Variants in PARD3B observed in about 807,000 individuals in gnomAD.
The protein encoded by PARD3B is par-3 family cell polarity regulator beta, also known as partitioning defective 3 homolog B.
In PARD3B, 103 loss-of-function variants were observed where a neutral mutation model predicts 130.2. That is an observed-to-expected ratio of 0.79 (90% CI 0.67 to 0.93). The LOEUF is 0.93. Among genes scored for constraint, PARD3B ranks in the 40% least tolerant of loss-of-function variants. The pLI, the probability that PARD3B is intolerant of heterozygous loss-of-function variation, is 0.00. For synonymous variants in PARD3B, 583 were observed against 553.2 expected, an observed-to-expected ratio of 1.05 and a Z score of -0.76; for missense variants, 1,609 against 1,499.2, an observed-to-expected ratio of 1.07 and a Z score of -1.21.
rs191453832 is a variant in PARD3B at position 205,558,026 on chromosome 2, C to A, written c.3260+4623C>A. On this transcript the variant is annotated intron_variant, in intron 22 of 22. Transcript: ENST00000406610. The surrounding 1 kb of genome is among the most constrained non-coding windows in gnomAD (Gnocchi z 4.8). Reference sequence around the variant, plus strand: ...GGGAACTCACTGAAGCTGAAGGATTCGCCGACTCAGGAAAGACCAGTGGTC... The same window carrying A: ...GGGAACTCACTGAAGCTGAAGGATTAGCCGACTCAGGAAAGACCAGTGGTC... Among the ~76,000 whole-genome samples the A allele has an allele frequency of 6.6e-6, 1 of 152,140 alleles. No homozygotes were observed. Among genetic ancestry groups the A allele is most frequent in the Non-Finnish European group, 1.5e-5 (1 of 68,024 alleles).
chr2:204,574,129 T>A (rs927977228), intron 1 of PARD3B, among the ~76,000 whole-genome samples: 12 of 152,186 alleles, frequency 7.9e-5, no homozygotes, highest in Admixed American at 2.0e-4. Context: ...GGTTGTTGTT[T>A]GTTTAGTTAT....
chr2:205,127,341 G>T (rs2031557164), intron 10 of PARD3B, among the ~76,000 whole-genome samples: 1 of 151,434 alleles, frequency 6.6e-6, no homozygotes, highest in Non-Finnish European at 1.5e-5. Context: ...ATTCAGAAGG[G>T]ATTTTGTAGC....
At position 204,967,350 on chromosome 2, in the gene PARD3B, A is replaced by G. The variant is rs953533726; in HGVS notation, c.394+2027A>G. Among the ~76,000 whole-genome samples the G allele has an allele frequency of 1.3e-5, 2 of 152,140 alleles. No homozygotes were observed. Among genetic ancestry groups the G allele is most frequent in the Admixed American group, 6.5e-5 (1 of 15,280 alleles). On this transcript the variant is annotated intron_variant, in intron 3 of 22. Transcript: ENST00000406610. This position sits in a 1 kb window ranked among gnomAD's most constrained non-coding sequence, Gnocchi z 4.4. ...CACAGCAGGCCAGAGCTTTGCCATC[A>G]ATTAGACTATTGCAGAGGCCTCAGA...
chr2:205,252,473 T>C (rs1462377324), intron 16 of PARD3B, among the ~76,000 whole-genome samples: 4 of 152,160 alleles, frequency 2.6e-5, no homozygotes, highest in East Asian at 1.9e-4. Flanking sequence ...CCATTTGGAA[T>C]TGGGGATGGC....
rs868623601 is a variant in PARD3B, at chr2:205,550,955, G to A, written c.3181-2369G>A. Among the ~76,000 whole-genome samples the A allele has an allele frequency of 5.1e-4, 48 of 94,444 alleles. No homozygotes were observed. The highest frequency in any genetic ancestry group is 1.1e-3 in the African/African-American group (28 of 26,404). 62.0% of individuals were successfully genotyped at this position (94,444 alleles called of 152,430 possible). A position where few individuals can be genotyped will look rare whatever the true frequency, so the allele number is the denominator to read the frequency against. ...TGTGTGTGTGTGTATATATATATGT[G>A]TATATATATATATATATATATACAC... is the stretch of plus-strand genomic sequence containing the variant. On this transcript the variant is annotated intron_variant, in intron 21 of 22. Transcript: ENST00000406610. This position sits in a 1 kb window ranked among gnomAD's most constrained non-coding sequence, Gnocchi z 4.5.
chr2:204,839,830 C>T (rs1157643338), intron 2 of PARD3B, among the ~76,000 whole-genome samples: 2 of 152,098 alleles, frequency 1.3e-5, no homozygotes, highest in Admixed American at 6.6e-5. Flanking sequence ...AAAGATTTGT[C>T]ATAGAAGTTT....
intron 18 of PARD3B, among the ~76,000 whole-genome samples, chr2:205,378,016 C>CT (rs1297433599): frequency 1.3e-5 from 2 of 152,116 alleles, no homozygotes; most frequent in African/African-American, 4.8e-5. Flanking sequence ...GGTGATCCAT[C>CT]TGCCTTGGCC....
intron 2 of PARD3B, among the ~76,000 whole-genome samples, chr2:204,870,273 G>C (rs1306648103): frequency 6.6e-6 from 1 of 152,044 alleles, no homozygotes; most frequent in Non-Finnish European, 1.5e-5. Context: ...ACAATTAATT[G>C]GATAACTACC....
chr2:205,182,404 G>A (rs1183545405), intron 13 of PARD3B, among the ~76,000 whole-genome samples: 2 of 150,766 alleles, frequency 1.3e-5, no homozygotes, highest in African/African-American at 4.9e-5. Context: ...AAAAAACACT[G>A]AAAAACACAT....
chr2:205,002,582 C>G (rs529578967), intron 3 of PARD3B, among the ~76,000 whole-genome samples: 2 of 152,316 alleles, frequency 1.3e-5, no homozygotes, highest in Non-Finnish European at 2.9e-5. Context: ...CTGACCACAT[C>G]TACCTCAACA....
intron 2 of PARD3B, among the ~76,000 whole-genome samples, chr2:204,711,594 G>A (rs936800453): frequency 2.0e-5 from 3 of 150,820 alleles, no homozygotes; most frequent in African/African-American, 7.3e-5. Flanking sequence ...CACCCAGACT[G>A]GAGCACAGTG....
intron 3 of PARD3B, among the ~76,000 whole-genome samples, chr2:204,969,598 T>G (rs941409778): frequency 6.6e-6 from 1 of 152,200 alleles, no homozygotes; most frequent in Non-Finnish European, 1.5e-5. Context: ...AAATTCAATG[T>G]GTACTCTGAT....
At chr2:204,745,877 C>A (rs1432166974) in intron 2 of PARD3B, among the ~76,000 whole-genome samples, 1 of 152,044 alleles carries the variant, frequency 6.6e-6, no homozygotes, top group Admixed American at 6.6e-5. Flanking sequence ...AAGCCCCATC[C>A]TCCCAGTTTC....
rs2055456371 is a variant in PARD3B at position 205,616,925 on chromosome 2, G to GTGTGTGTGTGTGTT, written c.*1113_*1114insGTGTGTGTGTGTTT. ...AGAGAGAGAGTATGTGTGTGTGTGTGTATGTGTGTGTTCGAACACATATGA... is the reference window on the plus strand; with the variant it reads ...AGAGAGAGAGTATGTGTGTGTGTGTGTGTGTGTGTGTGTTTATGTGTGTGTTCGAACACATATGA... On this transcript the variant is annotated 3_prime_UTR_variant, in exon 23 of 23. Transcript: ENST00000406610. The GTGTGTGTGTGTGTT allele has an allele frequency of 1.9e-5, 3 of 154,296 alleles. No individual in the cohort carries two copies. The highest frequency in any genetic ancestry group is 4.4e-5 in the Non-Finnish European group (3 of 68,222). 9.6% of individuals were successfully genotyped at this position (154,296 alleles called of 1,614,324 possible).
intron 15 of PARD3B, among the ~76,000 whole-genome samples, chr2:205,238,037 A>G (rs996676127): frequency 6.6e-6 from 1 of 152,160 alleles, no homozygotes; most frequent in Non-Finnish European, 1.5e-5. Flanking sequence ...CTCATTCATG[A>G]GTCTAGAATC....
At chr2:205,043,386 C>G (rs1383387225) in intron 3 of PARD3B, among the ~76,000 whole-genome samples, 1 of 152,056 alleles carries the variant, frequency 6.6e-6, no homozygotes, top group East Asian at 1.9e-4. Flanking sequence ...TTATTTCAGC[C>G]TCCCATCAGT....
chr2:205,479,537 C>T (rs142354424), intron 20 of PARD3B, among the ~76,000 whole-genome samples: 1 of 152,308 alleles, frequency 6.6e-6, no homozygotes, highest in African/African-American at 2.4e-5. Context: ...AGACTGCTTT[C>T]CTCCAGGAAG....
intron 2 of PARD3B, among the ~76,000 whole-genome samples, chr2:204,763,249 T>C (rs533028033): frequency 4.8e-4 from 73 of 152,356 alleles, no homozygotes; most frequent in African/African-American, 1.7e-3. Context: ...TCCACCTAAA[T>C]CTGATTTAGC....
At chr2:204,763,402 A>C (rs1001429893) in intron 2 of PARD3B, among the ~76,000 whole-genome samples, 1 of 152,248 alleles carries the variant, frequency 6.6e-6, no homozygotes, top group Admixed American at 6.5e-5. Flanking sequence ...TTCAGGTCTG[A>C]TGCATAGGCA....
Sources: allele counts gnomAD v4.1 joint callset (sites outside exome capture counted in the v4.1 genomes callset), GRCh38; gene constraint gnomAD v4.1.1; non-coding constraint Gnocchi (gnomAD v3.1); transcripts MANE v1.5; gene names NCBI Gene and HGNC (gene_info 2026-07-23, HGNC 2026-07-21).